Variants in CNOT10 observed in about 807,000 individuals in gnomAD.
CNOT10 encodes CCR4-NOT transcription complex subunit 10.
Under a neutral mutation model 94.6 loss-of-function variants are expected in CNOT10, and 30 were observed. That is an observed-to-expected ratio of 0.32 (90% CI 0.24 to 0.43). The LOEUF (loss-of-function observed/expected upper bound fraction) is 0.43, where lower values mean the gene tolerates loss of function less well. Ranked by LOEUF, CNOT10 falls within the 20% of genes least tolerant of loss-of-function variation. The probability of loss-of-function intolerance (pLI) is 1.00; values close to 1 mark genes in which losing one functional copy is unlikely to be tolerated. For missense variants in CNOT10, 759 were observed against 877.2 expected (o/e 0.87, Z 1.70); for synonymous variants, 289 against 301.6 (o/e 0.96, Z 0.43).
intron 4 of CNOT10, among the ~76,000 whole-genome samples, chr3:32,710,424 T>C (rs1697833832): frequency 6.6e-6 from 1 of 152,080 alleles, no homozygotes; most frequent in Admixed American, 6.6e-5. Context: ...CCTCCCTCAT[T>C]ACCACAATCC....
chr3:32,703,096 T>G (rs866222502), intron 1 of CNOT10, among the ~76,000 whole-genome samples: 1 of 149,888 alleles, frequency 6.7e-6, no homozygotes, highest in African/African-American at 2.5e-5. Context: ...TTTTTTTTTT[T>G]TGTATTTTTA....
Position 32,734,931 on chromosome 3 carries a change from A to G in CNOT10, c.1469A>G (p.Gln490Arg). Reference protein sequence around the residue: ...KQENGAKNSNQLGGNTESSES... With the variant: ...KQENGAKNSNRLGGNTESSES... ...GAAAATGGGGCTAAAAATAGTAATC[A>G]ATTAGGTGGGAACACAGAGAGCAGC... Residue 490 changes from glutamine (Q) to arginine (R), a missense_variant, in exon 12 of 19, where the codon CAA (glutamine) becomes CGA (arginine). Physicochemically the swap from Gln to Arg is conservative, Grantham distance 43. This residue lies in a region of CNOT10 where 682 missense variants were observed against 799.4 expected (regional missense o/e 0.85). Transcript: ENST00000328834. The G allele has an allele frequency of 6.2e-7, 1 of 1,614,100 alleles. No individual in the cohort carries two copies. Among genetic ancestry groups the G allele is most frequent in the Non-Finnish European group, 8.5e-7 (1 of 1,179,986 alleles).
intron 10 of CNOT10, among the ~76,000 whole-genome samples, chr3:32,730,079 C>T (rs1698875008): frequency 6.6e-6 from 1 of 152,060 alleles, no homozygotes; most frequent in Admixed American, 6.6e-5. Flanking sequence ...AGAATTTATA[C>T]TTCTTAAAGA....
At chr3:32,757,407 A>G (rs1161215000) in intron 13 of CNOT10, among the ~76,000 whole-genome samples, 1 of 151,902 alleles carries the variant, frequency 6.6e-6, no homozygotes, top group Non-Finnish European at 1.5e-5. Context: ...TCGAACTCCC[A>G]ACCTCAGGTG....
chr3:32,710,838 A>C (rs1320381995), intron 4 of CNOT10, among the ~76,000 whole-genome samples: 1 of 152,106 alleles, frequency 6.6e-6, no homozygotes, highest in African/African-American at 2.4e-5. Flanking sequence ...CTCCCACCCC[A>C]GCCTCTTCAA....
intron 13 of CNOT10, among the ~76,000 whole-genome samples, chr3:32,741,768 C>CAAAAAAA (rs529423159): frequency 0.029 from 2,522 of 86,230 alleles, 46 homozygotes; most frequent in Middle Eastern, 0.084. Context: ...GACTCCGTCT[C>CAAAAAAA]AAAAAAAAAA....
At chr3:32,755,757 CT>C (rs66705516) in intron 13 of CNOT10, among the ~76,000 whole-genome samples, 40,241 of 141,020 alleles carry the variant, frequency 0.29, 5,408 homozygotes, top group African/African-American at 0.39. Flanking sequence ...TTTTCCTTTC[CT>C]TTTTTTTTTT....
intron 2 of CNOT10, among the ~76,000 whole-genome samples, chr3:32,704,346 A>G (rs1322976514): frequency 1.3e-5 from 2 of 152,184 alleles, no homozygotes; most frequent in South Asian, 2.1e-4. Context: ...TGGAACCCCA[A>G]AACTTTATTG....
intron 13 of CNOT10, chr3:32,753,464 A>G (rs1327478185): frequency 2.6e-6 from 4 of 1,552,854 alleles, no homozygotes; most frequent in East Asian, 4.5e-5. Flanking sequence ...GAGGATTACA[A>G]TTTGAAACTG....
At chr3:32,750,260 C>A (rs766631371) in intron 13 of CNOT10, among the ~76,000 whole-genome samples, 6 of 151,956 alleles carry the variant, frequency 3.9e-5, no homozygotes, top group Non-Finnish European at 7.4e-5. Context: ...TGTGGGAGGC[C>A]AAGGTGGGTG....
intron 14 of CNOT10, among the ~76,000 whole-genome samples, chr3:32,762,429 C>T (rs1031159751): frequency 6.6e-6 from 1 of 151,834 alleles, no homozygotes; most frequent in Non-Finnish European, 1.5e-5. Context: ...GCCACCACGC[C>T]CAGCTAATTT....
intron 13 of CNOT10, among the ~76,000 whole-genome samples, chr3:32,749,534 C>T (rs908542985): frequency 5.3e-5 from 8 of 151,760 alleles, no homozygotes; most frequent in African/African-American, 1.9e-4. Context: ...CTCAAGCCTC[C>T]CAAGTAGCTA....
chr3:32,769,827 C>T (rs1475872013), intron 17 of CNOT10, 60 bp from the exon 18 acceptor site: 3 of 1,327,538 alleles, frequency 2.3e-6, no homozygotes, highest in African/African-American at 2.9e-5. Flanking sequence ...GGCAGATGTA[C>T]TTGGAGTGTG....
At chr3:32,699,972 T>TTGC (rs1697258165) in intron 1 of CNOT10, among the ~76,000 whole-genome samples, 1 of 149,260 alleles carries the variant, frequency 6.7e-6, no homozygotes, top group African/African-American at 2.5e-5. Flanking sequence ...AACATATCAG[T>TTGC]TTCTTTTTTT....
intron 7 of CNOT10, among the ~76,000 whole-genome samples, chr3:32,719,531 T>C (rs2125546503): frequency 6.6e-6 from 1 of 152,284 alleles, no homozygotes; most frequent in Non-Finnish European, 1.5e-5. Context: ...TCTAGGGTCC[T>C]CCACCAGGAG....
intron 13 of CNOT10, among the ~76,000 whole-genome samples, chr3:32,756,056 T>G (rs1032733905): frequency 6.6e-6 from 1 of 152,142 alleles, no homozygotes; most frequent in Non-Finnish European, 1.5e-5. Flanking sequence ...AGTAGAGCCA[T>G]GTGTGCTTCT....
chr3:32,761,559 A>AT lies in CNOT10; in HGVS notation c.1710-1166dup, dbSNP rs573697255. ...AGGAGCCCACCACCACACCCGGCTA[A>AT]TTTTTTTTCTTTTTCTGAGACAGTT... On this transcript the variant is annotated intron_variant, in intron 14 of 18. Transcript: ENST00000328834. Among the ~76,000 whole-genome samples, 270 of 150,398 alleles carry AT rather than the reference A, an allele frequency of 1.8e-3. 1 individual carries two copies. The highest frequency in any genetic ancestry group is 5.7e-3 in the African/African-American group (234 of 40,962).
intron 13 of CNOT10, among the ~76,000 whole-genome samples, chr3:32,746,945 T>G (rs750959664): frequency 2.6e-5 from 4 of 151,302 alleles, no homozygotes; most frequent in Non-Finnish European, 5.9e-5. Flanking sequence ...GGAGCAGCTG[T>G]AAATATAGAT....
rs150502445 is a variant in CNOT10, at chr3:32,773,510, G to A, written c.2134G>A (p.Val712Met). 3.1e-6 allele frequency: 5 copies of A among 1,614,040 alleles called. No homozygotes were observed. In the African/African-American group the frequency reaches 6.7e-5, roughly 22 times the overall value. The change falls in exon 19 of 19, where the codon GTG (valine) becomes ATG (methionine). Residue 712 changes from valine to methionine, a missense_variant. Coordinates refer to ENST00000328834, the MANE Select transcript of CNOT10 (RefSeq NM_015442.3). Reference protein sequence around the residue: ...IIKRNQLLPAVKTHSEVRKKP... With the variant: ...IIKRNQLLPAMKTHSEVRKKP... ...CAAAAGGAATCAGCTGCTCCCTGCA[G>A]TGAAAACACACTCTGAAGTGAGAAA...
Sources: gnomAD v4.1 joint callset for allele counts (sites outside exome capture counted in the v4.1 genomes callset) on GRCh38, gnomAD v4.1.1 for gene constraint, gnomAD v4.1.1 regional missense constraint, MANE v1.5 for transcripts, NCBI Gene and HGNC (gene_info 2026-07-23, HGNC 2026-07-21) for gene names.